The following INSL6 variants were observed in gnomAD, a reference collection of about 807,000 sequenced individuals.
INSL6 encodes insulin-like peptide INSL6.
A neutral mutation model predicts 9.4 loss-of-function variants in INSL6; 16 were observed. That is an observed-to-expected ratio of 1.70 (90% confidence interval 1.15 to 2.59). The LOEUF (loss-of-function observed/expected upper bound fraction) is 2.59. Among genes scored for constraint, INSL6 ranks in the 30% most tolerant of loss-of-function variants. The pLI is 0.00. For missense variants in INSL6, 391 were observed against 257.3 expected (o/e 1.52, Z -3.56); for synonymous variants, 154 against 96.9 (o/e 1.59, Z -3.46).
At chr9:5,129,143 A>G (rs1374332997) in intron 3 of INSL6, among the ~76,000 whole-genome samples, 1 of 152,100 alleles carries the variant, frequency 6.6e-6, no homozygotes, top group Non-Finnish European at 1.5e-5. Context: ...AAACAGCTAC[A>G]AAAGAGTTAG....
chr9:5,058,439 C>T, the INSL6 span, among the ~76,000 whole-genome samples: 2 of 152,122 alleles, frequency 1.3e-5, no homozygotes, highest in African/African-American at 2.4e-5. Context: ...CCCTCACTAT[C>T]ATGAGAACAG....
chr9:5,112,102 GA>G, the INSL6 span: 1 of 350,030 alleles, frequency 2.9e-6, no homozygotes, highest in South Asian at 2.2e-5. Context: ...CTACCTGAAC[GA>G]GGGCATCCAC....
intron 1 of INSL6, among the ~76,000 whole-genome samples, chr9:5,176,197 A>G (rs1825305258): frequency 2.0e-5 from 3 of 152,208 alleles, no homozygotes; most frequent in Admixed American, 6.5e-5. Context: ...TTTCCTCTGC[A>G]TAAATGCCCT....
At position 5,150,540 on chromosome 9, in the gene INSL6, G is replaced by C. The variant is rs946249069; in HGVS notation, c.376+13639C>G. Among the ~76,000 whole-genome samples, 4 of 152,268 alleles carry C rather than the reference G, an allele frequency of 2.6e-5. No individual in the cohort carries two copies. The East Asian group carries it at 5.8e-4, about 22-fold the overall frequency. ...TACAATAAGATGACATCTTACACTA[G>C]TCAGAATGGCCATTATTAAATCGTC... is the stretch of plus-strand genomic sequence containing the variant. On this transcript the variant is annotated intron_variant, in intron 2 of 3. Coordinates refer to the INSL6 transcript ENST00000649639.
downstream of INSL6, among the ~76,000 whole-genome samples, chr9:5,122,402 T>G (rs1823685777): frequency 6.6e-6 from 1 of 152,126 alleles, no homozygotes; most frequent in Non-Finnish European, 1.5e-5. Context: ...CTTTAAGTCT[T>G]GCCTTGGAAC....
chr9:5,041,473 C>T, the INSL6 span: 2 of 603,752 alleles, frequency 3.3e-6, no homozygotes, highest in South Asian at 1.5e-5. Flanking sequence ...TCAAGGCTGA[C>T]ACGATCATGA....
At chr9:5,034,705 A>C in the INSL6 span, among the ~76,000 whole-genome samples, 3 of 152,158 alleles carry the variant, frequency 2.0e-5, no homozygotes, top group Non-Finnish European at 4.4e-5. Context: ...ACAAAGACAC[A>C]ACATACCAGA....
the INSL6 span, chr9:5,041,516 C>A: frequency 1.8e-6 from 1 of 558,286 alleles, no homozygotes; most frequent in East Asian, 4.6e-5. Flanking sequence ...CATAGCGCGC[C>A]ACGCCCATCG....
the INSL6 span, chr9:5,089,967 C>A: frequency 1.5e-6 from 1 of 671,028 alleles, no homozygotes; most frequent in Non-Finnish European, 2.2e-6. Flanking sequence ...TGCCAATGCC[C>A]AGAGGGAGAG....
the INSL6 span, among the ~76,000 whole-genome samples, chr9:5,086,327 C>T: frequency 6.6e-6 from 1 of 152,158 alleles, no homozygotes; most frequent in Non-Finnish European, 1.5e-5. Context: ...TATCCTTTAC[C>T]TTCTCGCTTC....
chr9:5,102,286 T>C, the INSL6 span, among the ~76,000 whole-genome samples: 1 of 151,990 alleles, frequency 6.6e-6, no homozygotes, highest in Non-Finnish European at 1.5e-5. Flanking sequence ...GAAGAAAGGG[T>C]ATCAGTGATT....
the INSL6 span, among the ~76,000 whole-genome samples, chr9:5,082,718 T>C: frequency 4.6e-5 from 7 of 152,246 alleles, no homozygotes; most frequent in African/African-American, 1.7e-4. Context: ...CCGCAGTGCA[T>C]TGTGTCCCTG....
intron 1 of INSL6, among the ~76,000 whole-genome samples, chr9:5,164,536 A>C (rs532569539): frequency 6.6e-6 from 1 of 152,336 alleles, no homozygotes; most frequent in South Asian, 2.1e-4. Flanking sequence ...AAAGAATACA[A>C]TTCAGTGGGT....
the INSL6 span, among the ~76,000 whole-genome samples, chr9:5,063,270 A>C: frequency 6.6e-6 from 1 of 152,032 alleles, no homozygotes; most frequent in African/African-American, 2.4e-5. Flanking sequence ...CTTTATTTTC[A>C]TTTTCTACAA....
chr9:5,015,863 T>G, the INSL6 span, among the ~76,000 whole-genome samples: 4 of 152,080 alleles, frequency 2.6e-5, no homozygotes, highest in Admixed American at 6.6e-5. Context: ...TCCTTTCTGT[T>G]CTAAACACGA....
the INSL6 span, among the ~76,000 whole-genome samples, chr9:5,029,515 T>C: frequency 1.6e-4 from 25 of 152,214 alleles, no homozygotes; most frequent in Non-Finnish European, 3.2e-4. Context: ...ACACTTGCTC[T>C]AAATCCTTAT....
the INSL6 span, among the ~76,000 whole-genome samples, chr9:5,027,089 G>A: frequency 2.0e-5 from 3 of 152,130 alleles, no homozygotes. Context: ...CTCCAGTTCA[G>A]GGAAACTTGA....
chr9:5,112,840 G>T, the INSL6 span: 1 of 558,250 alleles, frequency 1.8e-6, no homozygotes, highest in Non-Finnish European at 2.8e-6. Context: ...ACCCCGCTGG[G>T]CACGTGTGAA....
intron 2 of INSL6, among the ~76,000 whole-genome samples, chr9:5,151,772 G>GTA (rs1824718076): frequency 6.6e-6 from 1 of 152,052 alleles, no homozygotes; most frequent in African/African-American, 2.4e-5. Flanking sequence ...AAGCAAGATT[G>GTA]TATATTTAAA....
Sources: allele counts gnomAD v4.1 joint callset (sites outside exome capture counted in the v4.1 genomes callset), GRCh38; gene constraint gnomAD v4.1.1; transcripts MANE v1.5; gene names NCBI Gene and HGNC (gene_info 2026-07-23, HGNC 2026-07-21).